Variants in PDS5A observed in about 807,000 individuals in gnomAD.
The protein encoded by PDS5A is PDS5 cohesin associated factor A.
A neutral mutation model predicts 167.1 loss-of-function variants in PDS5A; 42 were observed. The observed-to-expected ratio is 0.25, with a 90% CI of 0.20 to 0.33. PDS5A has a LOEUF of 0.33. Ranked by LOEUF, PDS5A falls within the 10% of genes least tolerant of loss-of-function variation. PDS5A has a pLI of 1.00. For missense variants in PDS5A, 1,033 were observed against 1,605.9 expected (o/e 0.64, Z 6.10); for synonymous variants, 553 against 554.6 (o/e 1.00, Z 0.04).
intron 2 of PDS5A, among the ~76,000 whole-genome samples, chr4:39,954,195 C>A (rs1185749532): frequency 2.1e-5 from 3 of 144,930 alleles, no homozygotes; most frequent in Non-Finnish European, 4.6e-5. Context: ...AAAAAACAAA[C>A]AAACAGAAAA....
chr4:39,833,474 G>A (rs1320710398), intron 32 of PDS5A, among the ~76,000 whole-genome samples: 1 of 152,002 alleles, frequency 6.6e-6, no homozygotes, highest in Non-Finnish European at 1.5e-5. Context: ...CTGTAGCCTC[G>A]ACCTCCCAGG....
In PDS5A at chr4:39,970,679, T is replaced by C. The variant is rs572985584; in HGVS notation, c.138+5761A>G. On this transcript the variant is annotated intron_variant, in intron 2 of 32. Coordinates refer to ENST00000303538, the MANE Select transcript of PDS5A (RefSeq NM_001100399.2). The stretch of plus-strand genomic sequence containing the variant: ...GTGACTGATTTTGGTAAAGGTTACT[T>C]GAATACTTTGGCCTAACTTTCATTA... Among the ~76,000 whole-genome samples the C allele has an allele frequency of 3.3e-5, 5 of 151,960 alleles. No individual in the cohort carries two copies. In the South Asian group the frequency reaches 8.3e-4, roughly 25 times the overall value.
At chr4:39,974,380 G>T in intron 2 of PDS5A, 7 of 396,288 alleles carry the variant, frequency 1.8e-5, no homozygotes, top group Non-Finnish European at 2.5e-5. Context: ...TAGAATTCAA[G>T]GTTTCAATAT....
At chr4:39,914,504 C>T (rs1221219877) in intron 8 of PDS5A, among the ~76,000 whole-genome samples, 3 of 151,900 alleles carry the variant, frequency 2.0e-5, no homozygotes, top group Non-Finnish European at 4.4e-5. Context: ...CTGGAGAATA[C>T]GACACTACAG....
intron 21 of PDS5A, among the ~76,000 whole-genome samples, chr4:39,870,768 G>C (rs181718207): frequency 1.2e-4 from 18 of 152,168 alleles, no homozygotes; most frequent in African/African-American, 4.3e-4. Context: ...TTATCCACTA[G>C]TATGGCTGTT....
Position 39,873,068 on chromosome 4 carries a change from A to T in PDS5A, c.2354T>A (p.Met785Lys), listed in dbSNP as rs1458607144. Residue 785 changes from methionine (M) to lysine (K), a missense_variant, in exon 21 of 33, where the codon ATG (methionine) becomes AAG (lysine). Transcript: ENST00000303538. ...TPLVSLGHIS[M>K]LAPDQFASPM... is the part of the protein sequence containing the mutation. ...GGAAGCAAACTGATCTGGTGCTAAC[A>T]TAGAAATGTGGCCCAATGAAACTAA... is the stretch of plus-strand genomic sequence containing the variant. The T allele has an allele frequency of 6.4e-7, 1 of 1,561,520 alleles. No individual in the cohort carries two copies. The highest frequency in any genetic ancestry group is 8.7e-7 in the Non-Finnish European group (1 of 1,144,104).
chr4:39,837,751 TTC>T, intron 32 of PDS5A, 103 bp downstream of exon 32: 1 of 755,462 alleles, frequency 1.3e-6, no homozygotes, highest in South Asian at 2.0e-5. Context: ...AGATGCAGGT[TTC>T]TCTCTCAAAT....
At chr4:39,907,394 T>C (rs1367866953) in intron 11 of PDS5A, among the ~76,000 whole-genome samples, 1 of 152,144 alleles carries the variant, frequency 6.6e-6, no homozygotes, top group East Asian at 1.9e-4. Flanking sequence ...ATAATACTCA[T>C]TTGCAGACGA....
chr4:39,832,791 T>C (rs1240181963), intron 32 of PDS5A, among the ~76,000 whole-genome samples: 6 of 151,598 alleles, frequency 4.0e-5, no homozygotes, highest in African/African-American at 1.5e-4. Flanking sequence ...AGTGCTCTCA[T>C]AGAACAAAGT....
chr4:39,898,466 C>T lies in PDS5A; in HGVS notation c.1693G>A (p.Asp565Asn). Residue 565 changes from aspartate (D) to asparagine (N), a missense_variant, in exon 16 of 33, where the codon GAT (aspartate) becomes AAT (asparagine). Transcript: ENST00000303538. ...FVKKFNQVLG[D>N]DEKLRSQLEL... ...AACTGAGACCGAAGTTTCTCATCAT[C>T]GCCGAGAACCTGGTTAAATTTCTTC... 6.2e-7 allele frequency: 1 copy of T among 1,600,286 alleles called. No homozygotes were observed. The highest frequency in any genetic ancestry group is 8.5e-7 in the Non-Finnish European group (1 of 1,173,004).
Position 39,922,765 on chromosome 4 carries a change from A to AT in PDS5A, c.528-18_528-17insA. The AT allele has an allele frequency of 2.0e-6, 3 of 1,472,606 alleles. No individual in the cohort carries two copies. Among genetic ancestry groups the AT allele is most frequent in the Non-Finnish European group, 2.7e-6 (3 of 1,110,802 alleles). 91.2% of individuals were successfully genotyped at this position (1,472,606 alleles called of 1,614,324 possible). On this transcript the variant is annotated splice_polypyrimidine_tract_variant and intron_variant, in intron 5 of 32. Transcript: ENST00000303538. ...TGGCTATTGCTATAAAAAAAAAAAA[A>AT]AAAGAATAAGTAGTAGGAGGAGGAA...
chr4:39,877,589 CAG>C (rs1257881280), intron 18 of PDS5A, among the ~76,000 whole-genome samples: 1 of 152,092 alleles, frequency 6.6e-6, no homozygotes, highest in Non-Finnish European at 1.5e-5. Flanking sequence ...AATGCAAACT[CAG>C]AGCTTTCTTT....
In PDS5A at chr4:39,970,696, C is replaced by G. The variant is rs1730432340; in HGVS notation, c.138+5744G>C. ...AGGTTACTTGAATACTTTGGCCTAA[C>G]TTTCATTATCTGTGAAGTAAGAGGA... On this transcript the variant is annotated intron_variant, in intron 2 of 32. Coordinates refer to ENST00000303538, the MANE Select transcript of PDS5A (RefSeq NM_001100399.2). Among the ~76,000 whole-genome samples the G allele has an allele frequency of 1.3e-5, 2 of 150,200 alleles. 1 individual carries two copies. Among genetic ancestry groups the G allele is most frequent in the African/African-American group, 4.9e-5 (2 of 40,786 alleles).
chr4:39,895,199 C>CAAAAAA (rs34303340), intron 16 of PDS5A, among the ~76,000 whole-genome samples: 11 of 93,414 alleles, frequency 1.2e-4, no homozygotes, highest in East Asian at 2.9e-4. Context: ...GACTCCGTCT[C>CAAAAAA]AAAAAAAAAA....
intron 32 of PDS5A, among the ~76,000 whole-genome samples, chr4:39,829,633 T>C (rs986541912): frequency 1.4e-5 from 2 of 139,626 alleles, no homozygotes; most frequent in African/African-American, 5.4e-5. Context: ...GGTGACAGAG[T>C]GAGACTTCAT....
intron 26 of PDS5A, among the ~76,000 whole-genome samples, chr4:39,861,619 G>T (rs541906808): frequency 1.1e-4 from 16 of 152,162 alleles, no homozygotes; most frequent in African/African-American, 3.9e-4. Flanking sequence ...TCAGAGACAG[G>T]GTCTCGTTCT....
chr4:39,872,970 T>C lies in PDS5A; in HGVS notation c.2436+16A>G, dbSNP rs1196254387. On this transcript the variant is annotated intron_variant, in intron 21 of 32. Transcript: ENST00000303538. ...TTAATCTCATGATTCTCAATTTAAT[T>C]AAATGAGAAACTTACCCTGTCATTC... The C allele has an allele frequency of 7.0e-7, 1 of 1,428,302 alleles. No homozygotes were observed. The highest frequency in any genetic ancestry group is 2.1e-5 in the Admixed American group (1 of 48,088). The allele number at this position is 1,428,302 out of a possible 1,614,324, so 88.5% of individuals were successfully genotyped here.
At chr4:39,880,922 GT>G (rs1298694742) in intron 17 of PDS5A, among the ~76,000 whole-genome samples, 1 of 151,828 alleles carries the variant, frequency 6.6e-6, no homozygotes, top group Non-Finnish European at 1.5e-5. Flanking sequence ...ATCCTTTTTT[GT>G]AATTTTGTAT....
At position 39,877,119 on chromosome 4, in the gene PDS5A, G is replaced by C; in HGVS notation, c.2027C>G (p.Ser676Cys). The change falls in exon 19 of 33, where the codon TCT becomes TGT. Residue 676 changes from serine to cysteine, a missense_variant. Around this residue, in one of 4 missense-constraint regions of PDS5A, gnomAD observed 367 missense variants for 686.7 expected, o/e 0.53. Coordinates refer to ENST00000303538, the MANE Select transcript of PDS5A (RefSeq NM_001100399.2). ...TAACAAGGACTCATATGTCTCTGCAGAGTGGAACGAGGTAGGATGTGTAAA... is the reference window on the plus strand; with the variant it reads ...TAACAAGGACTCATATGTCTCTGCACAGTGGAACGAGGTAGGATGTGTAAA... Reference protein sequence around the residue: ...LSFTHPTSFHSAETYESLLQC... With the variant: ...LSFTHPTSFHCAETYESLLQC... 6.2e-7 allele frequency: 1 copy of C among 1,604,552 alleles called. No individual in the cohort carries two copies.
Sources: gnomAD v4.1 joint callset for allele counts (sites outside exome capture counted in the v4.1 genomes callset) on GRCh38, gnomAD v4.1.1 for gene constraint, gnomAD v4.1.1 regional missense constraint, MANE v1.5 for transcripts, NCBI Gene and HGNC (gene_info 2026-07-23, HGNC 2026-07-21) for gene names.